Variants in MRC1 observed in about 807,000 individuals in gnomAD.
MRC1 encodes the protein mannose receptor C-type 1, also known as macrophage mannose receptor 1.
MRC1 carries 62 observed loss-of-function variants against 102.9 expected under a neutral mutation model. The ratio of observed to expected loss-of-function variants is 0.60; its 90% CI spans 0.49 to 0.74. The LOEUF is 0.74. Ranked by LOEUF, MRC1 falls within the 30% of genes least tolerant of loss-of-function variation. The probability of loss-of-function intolerance (pLI) is 0.00; values close to 1 mark genes in which losing one functional copy is unlikely to be tolerated. For missense variants in MRC1, 1,237 were observed against 862.8 expected (o/e 1.43, Z -5.43); for synonymous variants, 457 against 298.4 (o/e 1.53, Z -5.48).
At chr10:17,826,444 C>T (rs1000909116) in intron 2 of MRC1, among the ~76,000 whole-genome samples, 18 of 152,252 alleles carry the variant, frequency 1.2e-4, no homozygotes, top group African/African-American at 1.9e-4. Context: ...TCTAGTGATC[C>T]GCCTGCCTTG....
In MRC1 at chr10:17,853,608, A is replaced by G. The variant is rs1158237224; in HGVS notation, c.1407+484A>G. ...TGTGTGTGTGTGTGTGTGTATATAT[A>G]TATATATGTAAAAAGAGATTGTAGC... is the stretch of plus-strand genomic sequence containing the variant. On this transcript the variant is annotated intron_variant, in intron 8 of 29. Transcript: ENST00000569591. 3.7e-4 allele frequency among the ~76,000 whole-genome samples: 54 copies of G among 145,606 alleles called. 1 individual carries two copies. The highest frequency in any genetic ancestry group is 3.5e-3 in the Middle Eastern group (1 of 282).
chr10:17,853,590 GTGTGTGTGTGTATA>G (rs1833022117), intron 8 of MRC1, among the ~76,000 whole-genome samples: 1 of 137,904 alleles, frequency 7.3e-6, no homozygotes, highest in African/African-American at 2.8e-5. Flanking sequence ...GTGTGTGTGT[GTGTGTGTGTGTATA>G]TATATATATA....
intron 26 of MRC1, among the ~76,000 whole-genome samples, chr10:17,902,988 T>C (rs1833848969): frequency 6.6e-6 from 1 of 152,238 alleles, no homozygotes; most frequent in African/African-American, 2.4e-5. Context: ...ATGTCTTTAT[T>C]GTCTCTAGTA....
chr10:17,852,263 T>G (rs1409300426), intron 7 of MRC1, among the ~76,000 whole-genome samples: 1 of 152,218 alleles, frequency 6.6e-6, no homozygotes, highest in Non-Finnish European at 1.5e-5. Flanking sequence ...TGTTTTCGTT[T>G]TACCCTCATT....
At chr10:17,814,302 T>C (rs1293833244) in intron 1 of MRC1, among the ~76,000 whole-genome samples, 1 of 152,186 alleles carries the variant, frequency 6.6e-6, no homozygotes, top group Admixed American at 6.5e-5. Context: ...TGGTTCAAAA[T>C]AACACTATGT....
At chr10:17,818,004 T>A (rs907031541) in intron 1 of MRC1, among the ~76,000 whole-genome samples, 33 of 152,350 alleles carry the variant, frequency 2.2e-4, no homozygotes, top group Admixed American at 1.1e-3. Flanking sequence ...ATTTTACATT[T>A]CCTTGTATTG....
At chr10:17,887,346 G>T (rs1833612655) in intron 22 of MRC1, among the ~76,000 whole-genome samples, 1 of 152,126 alleles carries the variant, frequency 6.6e-6, no homozygotes, top group African/African-American at 2.4e-5. Context: ...AGCCGAGATC[G>T]CGCCACTGCA....
chr10:17,809,940 A>G (rs547624041), intron 1 of MRC1, among the ~76,000 whole-genome samples: 2 of 152,326 alleles, frequency 1.3e-5, no homozygotes, highest in East Asian at 3.9e-4. Flanking sequence ...GAAGGAGGGC[A>G]GCCCTGATGT....
At chr10:17,812,715 G>T (rs1175257678) in intron 1 of MRC1, among the ~76,000 whole-genome samples, 1 of 151,888 alleles carries the variant, frequency 6.6e-6, no homozygotes, top group African/African-American at 2.4e-5. Context: ...GGGATTACAG[G>T]CACCCGCCAC....
At chr10:17,890,365 G>A (rs1011939394) in intron 22 of MRC1, among the ~76,000 whole-genome samples, 26 of 152,194 alleles carry the variant, frequency 1.7e-4, no homozygotes, top group South Asian at 1.2e-3. Flanking sequence ...GCTGTCAGTC[G>A]TTAATTTTGG....
rs1470398254 is a variant in MRC1, at chr10:17,823,603, T to A, written c.463+128T>A. The A allele has an allele frequency of 1.4e-5, 10 of 726,474 alleles. No individual in the cohort carries two copies. In the African/African-American group the frequency reaches 1.7e-4, roughly 13 times the overall value. The allele number at this position is 726,474 out of a possible 1,614,324, so 45.0% of individuals were successfully genotyped here. ...AAATATCAATTGATCAGCATCTTTG[T>A]GTTTTCAACTATTCTGTAGGACTAT... On this transcript the variant is annotated intron_variant, in intron 2 of 29. Coordinates refer to ENST00000569591, the MANE Select transcript of MRC1 (RefSeq NM_002438.4).
At position 17,823,138 on chromosome 10, in the gene MRC1, T is replaced by C. The variant is rs782797035; in HGVS notation, c.126T>C (p.Ser42=). The C allele has an allele frequency of 1.2e-5, 9 of 780,804 alleles. No homozygotes were observed. The highest frequency in any genetic ancestry group is 3.4e-5 in the Admixed American group (2 of 59,020). 48.4% of individuals were successfully genotyped at this position (780,804 alleles called of 1,614,324 possible). A position where few individuals can be genotyped will look rare whatever the true frequency, so the allele number is the denominator to read the frequency against. Residue 42 remains serine, a synonymous_variant, in exon 2 of 30, where the codon AGT becomes AGC. Transcript: ENST00000569591. Reference sequence around the variant, plus strand: ...GCTGCGTGGATGCAGTGAGTCCCAGTGCCGTCCAAACCGCAGCTTGCAACC... The same window carrying C: ...GCTGCGTGGATGCAGTGAGTCCCAGCGCCGTCCAAACCGCAGCTTGCAACC... ...HKRCVDAVSP[S]AVQTAACNQD...
chr10:17,898,690 C>A (rs1415098663), intron 24 of MRC1, among the ~76,000 whole-genome samples: 3 of 152,126 alleles, frequency 2.0e-5, no homozygotes, highest in Non-Finnish European at 4.4e-5. Context: ...TGTTGTAGGT[C>A]CTGAGGTTGT....
chr10:17,903,971 G>T (rs1589197164), intron 26 of MRC1, among the ~76,000 whole-genome samples: 1 of 151,800 alleles, frequency 6.6e-6, no homozygotes. Context: ...AAAAAAATCT[G>T]GTTCATATTA....
At chr10:17,874,933 C>T (rs1833408770) in intron 16 of MRC1, among the ~76,000 whole-genome samples, 157 bp from the exon 17 acceptor site, 1 of 152,158 alleles carries the variant, frequency 6.6e-6, no homozygotes, top group Non-Finnish European at 1.5e-5. Flanking sequence ...GTTCAGATGT[C>T]TGTATTTGAC....
intron 1 of MRC1, among the ~76,000 whole-genome samples, chr10:17,818,939 G>A (rs1388243913): frequency 6.6e-6 from 1 of 152,166 alleles, no homozygotes; most frequent in African/African-American, 2.4e-5. Context: ...TGTGGTTGGT[G>A]GTGAGGGCAG....
intron 9 of MRC1, among the ~76,000 whole-genome samples, chr10:17,860,712 T>G (rs1309711871): frequency 1.3e-5 from 2 of 152,222 alleles, no homozygotes; most frequent in East Asian, 3.8e-4. Context: ...CATAGGCAAC[T>G]AGGTTTGCTC....
In MRC1 at chr10:17,882,382, A is replaced by G. The variant is rs1589190641; in HGVS notation, c.2980+1201A>G. 2.6e-5 allele frequency among the ~76,000 whole-genome samples: 4 copies of G among 151,988 alleles called. No homozygotes were observed. In the East Asian group the frequency reaches 5.8e-4, roughly 22 times the overall value. On this transcript the variant is annotated intron_variant, in intron 21 of 29. Coordinates refer to ENST00000569591, the MANE Select transcript of MRC1 (RefSeq NM_002438.4). ...CTCAAAATTAGGGGGCCATTGTTAC[A>G]GAACAATGGCTGGTATGTTGGCTGG... is the stretch of plus-strand genomic sequence containing the variant.
chr10:17,909,393 GTAC>G, intron 29 of MRC1, 46 bp downstream of exon 29: 1 of 833,376 alleles, frequency 1.2e-6, no homozygotes, highest in African/African-American at 1.7e-5. Context: ...TAATACATCC[GTAC>G]TGTTTGTTTT....
Sources: gnomAD v4.1 joint callset for allele counts (sites outside exome capture counted in the v4.1 genomes callset) on GRCh38, gnomAD v4.1.1 for gene constraint, MANE v1.5 for transcripts, NCBI Gene and HGNC (gene_info 2026-07-23, HGNC 2026-07-21) for gene names.